DPP10: variants seen among roughly 807,000 people sequenced by gnomAD.
The protein encoded by DPP10 is dipeptidyl peptidase like 10.
Under a neutral mutation model 120.9 loss-of-function variants are expected in DPP10, and 33 were observed. The observed-to-expected ratio is 0.27, with a 90% CI of 0.21 to 0.37. DPP10 has a LOEUF of 0.37. Ranked by LOEUF, DPP10 falls within the 10% of genes least tolerant of loss-of-function variation. The probability of loss-of-function intolerance (pLI) is 1.00; values close to 1 mark genes in which losing one functional copy is unlikely to be tolerated. For missense variants in DPP10, 816 were observed against 942.8 expected (o/e 0.87, Z 1.76); for synonymous variants, 337 against 326.1 (o/e 1.03, Z -0.36).
At chr2:115,436,431 A>C (rs1279495918) in intron 3 of DPP10, among the ~76,000 whole-genome samples, 2 of 151,828 alleles carry the variant, frequency 1.3e-5, no homozygotes, top group Non-Finnish European at 2.9e-5. Flanking sequence ...TATTAAAGAC[A>C]ACTGAGAAGT....
intron 3 of DPP10, among the ~76,000 whole-genome samples, chr2:115,382,847 G>A (rs1429561674): frequency 6.6e-6 from 1 of 152,194 alleles, no homozygotes; most frequent in African/African-American, 2.4e-5. Context: ...ACAAAATGCT[G>A]AGGATGGATA....
chr2:114,635,640 G>A (rs1198830454), intron 1 of DPP10, among the ~76,000 whole-genome samples: 1 of 151,774 alleles, frequency 6.6e-6, no homozygotes, highest in Non-Finnish European at 1.5e-5. Context: ...ATGGTAGATT[G>A]AACACATTGA....
chr2:114,948,670 T>G lies in DPP10; in HGVS notation c.61-360569T>G, dbSNP rs191421948. Among the ~76,000 whole-genome samples, 150 of 152,340 alleles carry G rather than the reference T, an allele frequency of 9.8e-4. 1 individual carries two copies. Among genetic ancestry groups the G allele is most frequent in the African/African-American group, 3.4e-3 (143 of 41,578 alleles). On this transcript the variant is annotated intron_variant, in intron 1 of 25. Transcript: ENST00000410059. Reference sequence around the variant, plus strand: ...CTTCTTCCTCAGGGATCTTGCTTGTTTTTTGTTACTATCTTGTCAAGTACC... The same window carrying G: ...CTTCTTCCTCAGGGATCTTGCTTGTGTTTTGTTACTATCTTGTCAAGTACC...
chr2:114,652,184 A>G (rs903888610), intron 1 of DPP10, among the ~76,000 whole-genome samples: 1 of 152,182 alleles, frequency 6.6e-6, no homozygotes, highest in African/African-American at 2.4e-5. Flanking sequence ...TCCCCTGTGG[A>G]GGAAGTTACT....
chr2:115,068,710 T>C (rs2105440556), intron 1 of DPP10, among the ~76,000 whole-genome samples: 1 of 152,298 alleles, frequency 6.6e-6, no homozygotes, highest in South Asian at 2.1e-4. Context: ...AGATGTTACA[T>C]TGAAGTCTTT....
intron 1 of DPP10, among the ~76,000 whole-genome samples, chr2:114,840,863 G>A: frequency 6.6e-6 from 1 of 152,134 alleles, no homozygotes; most frequent in Middle Eastern, 3.2e-3. Flanking sequence ...ATTATGGTTA[G>A]AATCTTGGGC....
At chr2:115,828,460 T>C (rs1482503962) in intron 21 of DPP10, among the ~76,000 whole-genome samples, 2 of 152,162 alleles carry the variant, frequency 1.3e-5, no homozygotes, top group Non-Finnish European at 2.9e-5. Context: ...ATATTTTTTG[T>C]TGTCCACTTT....
chr2:115,417,448 A>C (rs547570808), intron 3 of DPP10, among the ~76,000 whole-genome samples: 1 of 152,322 alleles, frequency 6.6e-6, no homozygotes, highest in East Asian at 1.9e-4. Flanking sequence ...GTTGGTAATA[A>C]TTCAACATTA....
chr2:115,696,760 C>T (rs1335182269), intron 7 of DPP10, among the ~76,000 whole-genome samples: 3 of 152,110 alleles, frequency 2.0e-5, no homozygotes, highest in Non-Finnish European at 4.4e-5. Context: ...TTCTTTTCTA[C>T]TTAATTTAAA....
chr2:114,758,735 TA>T (rs1680015958), intron 1 of DPP10, among the ~76,000 whole-genome samples: 1 of 152,208 alleles, frequency 6.6e-6, no homozygotes. Flanking sequence ...TGAATTATTT[TA>T]CAGCAAAACT....
chr2:115,314,747 T>C (rs2061713357), intron 2 of DPP10, among the ~76,000 whole-genome samples: 1 of 152,190 alleles, frequency 6.6e-6, no homozygotes, highest in African/African-American at 2.4e-5. Context: ...AAGTCTTTAA[T>C]ATCAGATATG....
chr2:114,902,423 G>A (rs1308045027), intron 1 of DPP10, among the ~76,000 whole-genome samples: 1 of 152,136 alleles, frequency 6.6e-6, no homozygotes, highest in East Asian at 1.9e-4. Flanking sequence ...TGATCGTTCA[G>A]TTGTCTGTTT....
intron 5 of DPP10, among the ~76,000 whole-genome samples, chr2:115,599,174 T>C (rs1386141336): frequency 6.6e-6 from 1 of 152,132 alleles, no homozygotes; most frequent in Non-Finnish European, 1.5e-5. Flanking sequence ...ATTTGTCTTA[T>C]TTGGCATTTG....
chr2:115,499,364 T>C (rs1286161914), intron 3 of DPP10, 146 bp from the exon 4 acceptor site: 1 of 599,174 alleles, frequency 1.7e-6, no homozygotes, highest in Non-Finnish European at 2.9e-6. Flanking sequence ...CGAGAATGAA[T>C]GCCAAGTACA....
intron 1 of DPP10, among the ~76,000 whole-genome samples, chr2:114,618,052 G>C (rs1037324992): frequency 6.6e-6 from 1 of 152,026 alleles, no homozygotes; most frequent in Admixed American, 6.6e-5. Context: ...ATGGGTCCAC[G>C]CAGTGTATTT....
chr2:115,173,973 G>T (rs903066771), intron 1 of DPP10, among the ~76,000 whole-genome samples: 2 of 152,160 alleles, frequency 1.3e-5, no homozygotes, highest in African/African-American at 4.8e-5. Flanking sequence ...TCAATTATCA[G>T]AATCATAGAA....
At chr2:115,135,618 TG>T (rs1414013242) in intron 1 of DPP10, among the ~76,000 whole-genome samples, 2 of 152,174 alleles carry the variant, frequency 1.3e-5, no homozygotes, top group African/African-American at 4.8e-5. Context: ...TCCAGTACAA[TG>T]AACTTCTATT....
intron 1 of DPP10, among the ~76,000 whole-genome samples, chr2:115,151,876 C>T (rs1187074659): frequency 6.6e-6 from 1 of 151,780 alleles, no homozygotes; most frequent in African/African-American, 2.4e-5. Context: ...TTCTCCTTCT[C>T]AACTTGATTT....
At chr2:114,525,869 AC>A (rs1685456398) in intron 1 of DPP10, among the ~76,000 whole-genome samples, 1 of 152,180 alleles carries the variant, frequency 6.6e-6, no homozygotes, top group Non-Finnish European at 1.5e-5. Context: ...TCCTACCTTT[AC>A]CATGAAGCAT....
Sources: allele counts gnomAD v4.1 joint callset (sites outside exome capture counted in the v4.1 genomes callset), GRCh38; gene constraint gnomAD v4.1.1; transcripts MANE v1.5; gene names NCBI Gene and HGNC (gene_info 2026-07-23, HGNC 2026-07-21).